Variants in ESRRG observed in about 807,000 individuals in gnomAD.
ESRRG encodes estrogen related receptor gamma, also known as estrogen-related receptor gamma.
Under a neutral mutation model 44.0 loss-of-function variants are expected in ESRRG, and 13 were observed. The observed-to-expected ratio is 0.30, with a 90% CI of 0.19 to 0.47. ESRRG has a LOEUF of 0.47. Among genes scored for constraint, ESRRG ranks in the 20% least tolerant of loss-of-function variants. ESRRG has a pLI of 1.00. For synonymous variants in ESRRG, 215 were observed against 214.6 expected, an observed-to-expected ratio of 1.00 and a Z score of -0.02; for missense variants, 395 against 580.6, an observed-to-expected ratio of 0.68 and a Z score of 3.29.
At chr1:217,082,700 C>T (rs937403413) in intron 1 of ESRRG, among the ~76,000 whole-genome samples, 1 of 151,800 alleles carries the variant, frequency 6.6e-6, no homozygotes, top group African/African-American at 2.4e-5. Flanking sequence ...CTTCTTCATC[C>T]AACTGCTTCC....
intron 3 of ESRRG, among the ~76,000 whole-genome samples, chr1:216,596,535 G>A (rs2058472536): frequency 6.6e-6 from 1 of 152,150 alleles, no homozygotes. Context: ...GGAGTGCAGG[G>A]AGGGAGAGTG....
At chr1:216,831,664 T>A (rs12564380) in intron 2 of ESRRG, among the ~76,000 whole-genome samples, 5,348 of 152,256 alleles carry the variant, frequency 0.035, 175 homozygotes, top group East Asian at 0.12. Flanking sequence ...TTTAGATAAT[T>A]CCTACTAAAT....
intron 1 of ESRRG, among the ~76,000 whole-genome samples, chr1:216,971,108 T>C (rs1344360193): frequency 6.6e-6 from 1 of 152,182 alleles, no homozygotes; most frequent in Admixed American, 6.5e-5. Flanking sequence ...TCTGCTCCAT[T>C]ATAAAATAGT....
At chr1:216,793,665 T>G (rs1039806379) in intron 2 of ESRRG, among the ~76,000 whole-genome samples, 1 of 152,196 alleles carries the variant, frequency 6.6e-6, no homozygotes, top group Admixed American at 6.5e-5. Context: ...AGAAACTGTA[T>G]AAGATTATAG....
chr1:216,602,374 AAAATG>A (rs2059365922), intron 3 of ESRRG, among the ~76,000 whole-genome samples: 1 of 152,238 alleles, frequency 6.6e-6, no homozygotes, highest in African/African-American at 2.4e-5. Flanking sequence ...TGCGAAAAAT[AAAATG>A]TTGTTTGTGA....
At chr1:216,956,508 G>A (rs184431723) in intron 1 of ESRRG, among the ~76,000 whole-genome samples, 27 of 152,164 alleles carry the variant, frequency 1.8e-4, no homozygotes, top group Non-Finnish European at 2.9e-4. Flanking sequence ...GATCACTATC[G>A]CTTTGTAGTA....
intron 1 of ESRRG, among the ~76,000 whole-genome samples, chr1:217,038,502 C>G (rs1358536399): frequency 6.6e-6 from 1 of 152,194 alleles, no homozygotes; most frequent in African/African-American, 2.4e-5. Context: ...AATTGTAATC[C>G]TCATGGAACC....
intron 1 of ESRRG, among the ~76,000 whole-genome samples, chr1:217,108,126 T>G (rs2092620331): frequency 6.6e-6 from 1 of 152,184 alleles, no homozygotes; most frequent in African/African-American, 2.4e-5. Context: ...TCCTAATTCT[T>G]GACAACACAA....
At chr1:217,023,595 C>T (rs533357451) in intron 1 of ESRRG, among the ~76,000 whole-genome samples, 19 of 152,136 alleles carry the variant, frequency 1.2e-4, no homozygotes, top group Admixed American at 6.5e-5. Flanking sequence ...ACATTAGCTG[C>T]AATTTAAAAA....
intron 2 of ESRRG, among the ~76,000 whole-genome samples, chr1:216,805,661 C>T (rs1347171913): frequency 1.3e-5 from 2 of 151,744 alleles, no homozygotes; most frequent in Admixed American, 1.3e-4. Flanking sequence ...AGGCATTTGC[C>T]GTGCTCAAGT....
At chr1:216,981,940 G>GTGTC (rs2074043056) in intron 1 of ESRRG, among the ~76,000 whole-genome samples, 1 of 152,226 alleles carries the variant, frequency 6.6e-6, no homozygotes, top group South Asian at 2.1e-4. Flanking sequence ...TAGCGGGGCT[G>GTGTC]TGTCTGTGCA....
intron 1 of ESRRG, among the ~76,000 whole-genome samples, chr1:217,006,875 A>C (rs2789570): frequency 0.19 from 28,523 of 151,944 alleles, 2,949 homozygotes; most frequent in East Asian, 0.46. Context: ...GGCATGCTCC[A>C]CCTGTATTTA....
intron 2 of ESRRG, among the ~76,000 whole-genome samples, chr1:216,885,978 T>C (rs1468216930): frequency 6.6e-6 from 1 of 152,040 alleles, no homozygotes; most frequent in African/African-American, 2.4e-5. Flanking sequence ...TTCGTCCCTT[T>C]TTTTTAAAAA....
intron 3 of ESRRG, among the ~76,000 whole-genome samples, chr1:216,620,238 G>C (rs2062007773): frequency 1.3e-5 from 2 of 152,162 alleles, no homozygotes; most frequent in African/African-American, 2.4e-5. Context: ...TCCACAAAAT[G>C]GGTTAAAAAT....
chr1:216,729,240 T>G (rs2088209031), intron 2 of ESRRG, among the ~76,000 whole-genome samples: 1 of 152,228 alleles, frequency 6.6e-6, no homozygotes, highest in African/African-American at 2.4e-5. Flanking sequence ...AAATTTTGGC[T>G]TGTGCCAGTT....
At chr1:216,691,932 A>T (rs965663989) in intron 1 of ESRRG, among the ~76,000 whole-genome samples, 15 of 152,334 alleles carry the variant, frequency 9.8e-5, no homozygotes, top group African/African-American at 3.4e-4. Context: ...TATTACTCAC[A>T]TGTTTTTGGT....
intron 2 of ESRRG, among the ~76,000 whole-genome samples, chr1:216,666,450 G>A (rs35494358): frequency 0.015 from 2,345 of 152,218 alleles, 34 homozygotes; most frequent in Admixed American, 0.02. Context: ...TTAACATGCC[G>A]TTCAGTAGAC....
intron 1 of ESRRG, among the ~76,000 whole-genome samples, chr1:217,137,508 T>C (rs902722383): frequency 1.3e-5 from 2 of 152,212 alleles, no homozygotes; most frequent in Non-Finnish European, 1.5e-5. Context: ...GCTGACGGAC[T>C]GCCCTTTCCA....
At chr1:216,890,145 G>A (rs1210775037) in intron 2 of ESRRG, among the ~76,000 whole-genome samples, 1 of 151,942 alleles carries the variant, frequency 6.6e-6, no homozygotes, top group Non-Finnish European at 1.5e-5. Flanking sequence ...CATGACTGTA[G>A]TCCCAGTGAC....
Sources: allele counts gnomAD v4.1 joint callset (sites outside exome capture counted in the v4.1 genomes callset), GRCh38; gene constraint gnomAD v4.1.1; transcripts MANE v1.5; gene names NCBI Gene and HGNC (gene_info 2026-07-23, HGNC 2026-07-21).